Variants in GLIS3 observed in about 807,000 individuals in gnomAD.
GLIS3 encodes zinc finger protein GLIS3.
In GLIS3, 53 loss-of-function variants were observed where a neutral mutation model predicts 78.6. The ratio of observed to expected loss-of-function variants is 0.67; its 90% CI spans 0.54 to 0.85. GLIS3 has a LOEUF of 0.85. GLIS3 is among the 40% of genes least tolerant of loss of function. The pLI, the probability that GLIS3 is intolerant of heterozygous loss-of-function variation, is 0.00. For synonymous variants in GLIS3, 684 were observed against 509.9 expected (o/e 1.34, Z -4.60); for missense variants, 1,703 against 1,231.1 (o/e 1.38, Z -5.74).
chr9:4,105,686 C>T (rs950703851), intron 4 of GLIS3, among the ~76,000 whole-genome samples: 2 of 152,124 alleles, frequency 1.3e-5, no homozygotes, highest in Non-Finnish European at 2.9e-5. Flanking sequence ...GATAGTGACA[C>T]AGTTGTTTGT....
At chr9:4,078,086 C>G (rs958093388) in intron 4 of GLIS3, among the ~76,000 whole-genome samples, 3 of 152,052 alleles carry the variant, frequency 2.0e-5, no homozygotes, top group African/African-American at 7.3e-5. Flanking sequence ...ATATGGTCCC[C>G]CATTGCTGGA....
chr9:3,908,021 G>C (rs1353577497), intron 6 of GLIS3, among the ~76,000 whole-genome samples: 1 of 152,208 alleles, frequency 6.6e-6, no homozygotes, highest in East Asian at 1.9e-4. Context: ...GATGTTTAAT[G>C]AAAGTGGGGT....
the GLIS3 span, among the ~76,000 whole-genome samples, chr9:4,356,282 T>G: frequency 6.6e-6 from 1 of 152,218 alleles, no homozygotes; most frequent in Non-Finnish European, 1.5e-5. Context: ...TTAGGAGGAC[T>G]GGGGACTGGT....
intron 2 of GLIS3, among the ~76,000 whole-genome samples, chr9:4,245,791 C>CAAT (rs1823754175): frequency 6.6e-6 from 1 of 152,092 alleles, no homozygotes; most frequent in Non-Finnish European, 1.5e-5. Context: ...CAATTAAAAA[C>CAAT]AATAATAATA....
intron 4 of GLIS3, among the ~76,000 whole-genome samples, chr9:4,051,475 A>C (rs1381744287): frequency 6.6e-6 from 1 of 152,176 alleles, no homozygotes; most frequent in Admixed American, 6.5e-5. Flanking sequence ...CCCTTGAAAA[A>C]TGTAGCCAAA....
intron 2 of GLIS3, among the ~76,000 whole-genome samples, chr9:4,326,450 C>CA (rs1817602258): frequency 1.3e-5 from 2 of 151,820 alleles, no homozygotes; most frequent in South Asian, 4.2e-4. Flanking sequence ...GAAATAGTCA[C>CA]AAAAAAATAC....
the GLIS3 span, among the ~76,000 whole-genome samples, chr9:4,389,543 G>A: frequency 1.3e-5 from 2 of 152,100 alleles, no homozygotes; most frequent in Admixed American, 1.3e-4. Flanking sequence ...AAGGTTCTTG[G>A]ATCTTGAACT....
At chr9:3,939,059 G>A (rs1020747675) in intron 4 of GLIS3, among the ~76,000 whole-genome samples, 10 of 152,164 alleles carry the variant, frequency 6.6e-5, no homozygotes, top group Non-Finnish European at 1.0e-4. Flanking sequence ...TTTTAGACAC[G>A]CCAAGACTGT....
At chr9:3,833,905 T>G (rs188357514) in intron 9 of GLIS3, among the ~76,000 whole-genome samples, 1 of 152,184 alleles carries the variant, frequency 6.6e-6, no homozygotes, top group Non-Finnish European at 1.5e-5. Flanking sequence ...TTGGGAAGTT[T>G]TTTTTCCCCC....
the GLIS3 span, among the ~76,000 whole-genome samples, chr9:4,423,810 A>G: frequency 1.3e-5 from 2 of 152,200 alleles, no homozygotes; most frequent in Non-Finnish European, 2.9e-5. Context: ...TCTTGTTCAT[A>G]ACATTCACAC....
At chr9:4,330,886 C>T (rs1817674979) in intron 2 of GLIS3, among the ~76,000 whole-genome samples, 1 of 152,164 alleles carries the variant, frequency 6.6e-6, no homozygotes, top group African/African-American at 2.4e-5. Context: ...TGCAGATCAC[C>T]TTTGCCATTA....
intron 2 of GLIS3, among the ~76,000 whole-genome samples, chr9:4,197,621 C>T (rs1563739849): frequency 6.6e-6 from 1 of 152,190 alleles, no homozygotes; most frequent in Non-Finnish European, 1.5e-5. Flanking sequence ...GGCAAACCTG[C>T]CCAGTCCTGC....
At chr9:4,485,215 A>G in the GLIS3 span, among the ~76,000 whole-genome samples, 8 of 152,132 alleles carry the variant, frequency 5.3e-5, no homozygotes, top group South Asian at 4.2e-4. Context: ...GGGTTTCACC[A>G]TGTTGGCCAG....
chr9:4,390,049 A>G, the GLIS3 span, among the ~76,000 whole-genome samples: 4 of 152,252 alleles, frequency 2.6e-5, no homozygotes, highest in African/African-American at 9.6e-5. Flanking sequence ...AATGGGCTAA[A>G]ACCCAGACTA....
intron 4 of GLIS3, among the ~76,000 whole-genome samples, chr9:4,067,814 T>C (rs1030807646): frequency 7.5e-6 from 1 of 132,516 alleles, no homozygotes; most frequent in South Asian, 2.5e-4. Context: ...AAAAAAAAAA[T>C]ATATGGTTAC....
At chr9:3,946,708 T>C (rs146175595) in intron 4 of GLIS3, among the ~76,000 whole-genome samples, 2 of 152,328 alleles carry the variant, frequency 1.3e-5, no homozygotes, top group African/African-American at 4.8e-5. Context: ...ACCACTCCCT[T>C]TTCCAAATCT....
intron 4 of GLIS3, among the ~76,000 whole-genome samples, chr9:4,066,104 A>G (rs1827077649): frequency 6.6e-6 from 1 of 152,122 alleles, no homozygotes; most frequent in South Asian, 2.1e-4. Context: ...AAAAAAAATC[A>G]CATGTCAAGC....
chr9:4,161,202 G>A (rs1835452393), intron 2 of GLIS3, among the ~76,000 whole-genome samples: 1 of 152,044 alleles, frequency 6.6e-6, no homozygotes, highest in African/African-American at 2.4e-5. Flanking sequence ...AAGCCCAGGA[G>A]ACCAAGGCTG....
chr9:4,412,213 T>C, the GLIS3 span, among the ~76,000 whole-genome samples: 1 of 152,232 alleles, frequency 6.6e-6, no homozygotes, highest in African/African-American at 2.4e-5. Flanking sequence ...CTTATCCTGC[T>C]ATGATAGCTT....
Sources: allele counts gnomAD v4.1 joint callset (sites outside exome capture counted in the v4.1 genomes callset), GRCh38; gene constraint gnomAD v4.1.1; transcripts MANE v1.5; gene names NCBI Gene and HGNC (gene_info 2026-07-23, HGNC 2026-07-21).